The following BSPH1 variants were observed in gnomAD, a reference collection of about 807,000 sequenced individuals.
BSPH1 encodes binder of sperm 1.
A neutral mutation model predicts 22.5 loss-of-function variants in BSPH1; 21 were observed. The ratio of observed to expected loss-of-function variants is 0.93; its 90% CI spans 0.66 to 1.35. The LOEUF (loss-of-function observed/expected upper bound fraction) is 1.35, where lower values mean the gene tolerates loss of function less well. BSPH1 is among the 40% of genes most tolerant of loss of function. BSPH1 has a pLI of 0.00. For missense variants in BSPH1, 141 were observed against 154.2 expected, an observed-to-expected ratio of 0.91 and a Z score of 0.45; for synonymous variants, 42 against 53.6, an observed-to-expected ratio of 0.78 and a Z score of 0.95.
chr19:47,976,607 C>A (rs1213840507), intron 5 of BSPH1, 103 bp downstream of exon 5: 191 of 473,450 alleles, frequency 4.0e-4, no homozygotes, highest in East Asian at 6.0e-4. Context: ...CAAAAAAAAA[C>A]CCTCTCTAAT....
chr19:47,970,511 AG>A (rs1455327599), intron 5 of BSPH1, among the ~76,000 whole-genome samples: 5 of 152,216 alleles, frequency 3.3e-5, no homozygotes, highest in South Asian at 2.1e-4. Context: ...TCTCCAAATA[AG>A]GATAGTACAA....
intron 5 of BSPH1, among the ~76,000 whole-genome samples, chr19:47,972,947 G>C (rs1183892030): frequency 6.6e-6 from 1 of 151,636 alleles, no homozygotes; most frequent in Non-Finnish European, 1.5e-5. Flanking sequence ...GCCGGGCGCG[G>C]TGGCTCACGC....
At chr19:47,975,330 C>T (rs1426839308) in intron 5 of BSPH1, among the ~76,000 whole-genome samples, 2 of 152,116 alleles carry the variant, frequency 1.3e-5, no homozygotes, top group African/African-American at 2.4e-5. Flanking sequence ...CGCTCCTGGC[C>T]TCTATAATCA....
chr19:47,978,621 C>T (rs1357716549), intron 3 of BSPH1, among the ~76,000 whole-genome samples: 1 of 152,162 alleles, frequency 6.6e-6, no homozygotes, highest in Non-Finnish European at 1.5e-5. Context: ...ATGAATATTG[C>T]TTTGTCAAAG....
intron 1 of BSPH1, among the ~76,000 whole-genome samples, chr19:47,990,524 A>G (rs1969513668): frequency 6.6e-6 from 1 of 152,066 alleles, no homozygotes; most frequent in African/African-American, 2.4e-5. Flanking sequence ...TTCAGTAAGT[A>G]TAAAATAATT....
intron 5 of BSPH1, among the ~76,000 whole-genome samples, chr19:47,973,173 C>T (rs1434262923): frequency 3.3e-5 from 5 of 150,626 alleles, no homozygotes; most frequent in South Asian, 2.1e-4. Context: ...GCCGAGATCG[C>T]GCCACTGCAC....
intron 5 of BSPH1, among the ~76,000 whole-genome samples, chr19:47,971,240 A>G (rs192445590): frequency 2.0e-5 from 3 of 152,142 alleles, no homozygotes; most frequent in Admixed American, 1.3e-4. Flanking sequence ...GTCTTGCTCT[A>G]TCTTCCAGGC....
At chr19:47,991,514 T>A in intron 1 of BSPH1, among the ~76,000 whole-genome samples, 1 of 118,998 alleles carries the variant, frequency 8.4e-6, no homozygotes, top group Non-Finnish European at 1.7e-5. Context: ...CTCCCCCTCC[T>A]TTTCCTCCCC....
In BSPH1 at chr19:47,973,059, T is replaced by C. The variant is rs1600084081; in HGVS notation, c.*2+3651A>G. ...GGTGAAACCCCGTCTCTTCTAAAAA[T>C]ACAAAAAATTAGCCTGGCGTGGTGG... On this transcript the variant is annotated intron_variant, in intron 5 of 5. Coordinates refer to ENST00000344839, the MANE Select transcript of BSPH1 (RefSeq NM_001128326.2). 4.0e-5 allele frequency among the ~76,000 whole-genome samples: 6 copies of C among 151,206 alleles called. No homozygotes were observed. The South Asian group carries it at 1.3e-3, about 32-fold the overall frequency.
intron 5 of BSPH1, among the ~76,000 whole-genome samples, chr19:47,972,280 C>T (rs376879424): frequency 2.5e-4 from 34 of 136,710 alleles, no homozygotes; most frequent in East Asian, 8.7e-4. Flanking sequence ...CCTTGATATT[C>T]TTTTTTTTTT....
At chr19:47,970,918 T>G (rs1458938351) in intron 5 of BSPH1, among the ~76,000 whole-genome samples, 1 of 152,128 alleles carries the variant, frequency 6.6e-6, no homozygotes, top group Non-Finnish European at 1.5e-5. Flanking sequence ...TAAGCCTAAA[T>G]CAGACAAATC....
In BSPH1 at chr19:47,989,504, T is replaced by C. The variant is rs963028401; in HGVS notation, c.73+2505A>G. On this transcript the variant is annotated intron_variant, in intron 1 of 5. Coordinates refer to ENST00000344839, the MANE Select transcript of BSPH1 (RefSeq NM_001128326.2). Reference sequence around the variant, plus strand: ...CTCTGATGAGGATGAGGAGGAACCATAGCTGAGAGCTCTCATACATCCCCA... The same window carrying C: ...CTCTGATGAGGATGAGGAGGAACCACAGCTGAGAGCTCTCATACATCCCCA... Among the ~76,000 whole-genome samples, 11 of 152,050 alleles carry C rather than the reference T, an allele frequency of 7.2e-5. No individual in the cohort carries two copies. The East Asian group carries it at 1.9e-3, about 27-fold the overall frequency.
At chr19:47,971,420 G>T (rs552833856) in intron 5 of BSPH1, among the ~76,000 whole-genome samples, 1 of 152,202 alleles carries the variant, frequency 6.6e-6, no homozygotes, top group African/African-American at 2.4e-5. Flanking sequence ...TGGCCAGGCT[G>T]GTCTCGAATT....
intron 4 of BSPH1, 141 bp from the exon 5 acceptor site, chr19:47,976,995 TCA>T (rs771839858): frequency 6.9e-5 from 54 of 783,398 alleles, no homozygotes; most frequent in Non-Finnish European, 1.1e-4. Flanking sequence ...ACATGCACAC[TCA>T]CACAGACATA....
chr19:47,977,554 G>A (rs776321925), intron 3 of BSPH1, 50 bp from the exon 4 acceptor site: 242 of 1,539,518 alleles, frequency 1.6e-4, no homozygotes, highest in Non-Finnish European at 2.1e-4. Flanking sequence ...TAGGAGAGAG[G>A]TTATCAAGCG....
At chr19:47,971,189 T>C (rs933904919) in intron 5 of BSPH1, among the ~76,000 whole-genome samples, 2 of 152,120 alleles carry the variant, frequency 1.3e-5, no homozygotes, top group African/African-American at 2.4e-5. Context: ...ATTCTCTGTA[T>C]TTTATCGTTT....
At chr19:47,969,749 TGAGAGA>T (rs1021233631) in intron 5 of BSPH1, among the ~76,000 whole-genome samples, 1 of 141,520 alleles carries the variant, frequency 7.1e-6, no homozygotes, top group Admixed American at 7.1e-5. Context: ...TGTGTGTGTG[TGAGAGA>T]GAGAGACTTT....
chr19:47,970,628 T>G (rs1006746850), intron 5 of BSPH1, among the ~76,000 whole-genome samples: 1 of 152,166 alleles, frequency 6.6e-6, no homozygotes, highest in Non-Finnish European at 1.5e-5. Context: ...TAAACATGAA[T>G]AATAGTGATG....
chr19:47,974,590 C>T (rs1372765367), intron 5 of BSPH1, among the ~76,000 whole-genome samples: 2 of 151,594 alleles, frequency 1.3e-5, no homozygotes, highest in Admixed American at 6.6e-5. Context: ...CTACCCGACC[C>T]TCTCTCCTCC....
Sources: allele counts gnomAD v4.1 joint callset (sites outside exome capture counted in the v4.1 genomes callset), GRCh38; gene constraint gnomAD v4.1.1; transcripts MANE v1.5; gene names NCBI Gene and HGNC (gene_info 2026-07-23, HGNC 2026-07-21).